Variants in TMPRSS12 observed in about 807,000 individuals in gnomAD.
The protein encoded by TMPRSS12 is transmembrane serine protease 12.
Under a neutral mutation model 26.0 loss-of-function variants are expected in TMPRSS12, and 25 were observed. The observed-to-expected ratio is 0.96, with a 90% CI of 0.70 to 1.34. The LOEUF (loss-of-function observed/expected upper bound fraction) is 1.34, where lower values mean the gene tolerates loss of function less well. Ranked by LOEUF, TMPRSS12 falls within the 40% of genes most tolerant of loss-of-function variation. The probability of loss-of-function intolerance (pLI) is 0.00; values close to 1 mark genes in which losing one functional copy is unlikely to be tolerated. For missense variants in TMPRSS12, 441 were observed against 440.1 expected, an observed-to-expected ratio of 1.00 and a Z score of -0.02; for synonymous variants, 150 against 161.7, an observed-to-expected ratio of 0.93 and a Z score of 0.55.
rs898074372 is a variant in TMPRSS12 at position 50,865,170 on chromosome 12, A to G, written c.652+6117A>G. 6.8e-4 allele frequency among the ~76,000 whole-genome samples: 104 copies of G among 152,166 alleles called. 1 individual carries two copies. Among genetic ancestry groups the G allele is most frequent in the Admixed American group, 6.6e-3 (101 of 15,300 alleles). ...AACATGGTGAAACCCCCAATCCACT[A>G]AAAATACAAAAAATTAGCCAGGCAT... On this transcript the variant is annotated intron_variant, in intron 3 of 4. Coordinates refer to ENST00000398458, the MANE Select transcript of TMPRSS12 (RefSeq NM_182559.3).
intron 3 of TMPRSS12, among the ~76,000 whole-genome samples, chr12:50,876,542 C>T (rs10735828): frequency 0.24 from 36,269 of 152,076 alleles, 4,484 homozygotes; most frequent in East Asian, 0.42. Flanking sequence ...CGGTGGCTCA[C>T]GCCTGTAATC....
intron 2 of TMPRSS12, among the ~76,000 whole-genome samples, chr12:50,844,911 G>C (rs1290616583): frequency 6.6e-6 from 1 of 152,164 alleles, no homozygotes; most frequent in African/African-American, 2.4e-5. Flanking sequence ...GTAGAGTAGG[G>C]CATGTTGGCT....
At chr12:50,885,120 TATATGA>T in intron 3 of TMPRSS12, 120 bp from the exon 4 acceptor site, 1 of 771,478 alleles carries the variant, frequency 1.3e-6, no homozygotes, top group African/African-American at 1.8e-5. Context: ...CATACACATA[TATATGA>T]ATATAATTTT....
At chr12:50,872,584 CAT>C (rs920192799) in intron 3 of TMPRSS12, among the ~76,000 whole-genome samples, 2 of 128,750 alleles carry the variant, frequency 1.6e-5, no homozygotes, top group Admixed American at 7.9e-5. Flanking sequence ...TATATATGTA[CAT>C]ATATATGACG....
intron 3 of TMPRSS12, among the ~76,000 whole-genome samples, chr12:50,868,184 C>T (rs1938008982): frequency 6.6e-6 from 1 of 152,170 alleles, no homozygotes; most frequent in African/African-American, 2.4e-5. Flanking sequence ...AAATGCTCCA[C>T]TTAAAAGATA....
Position 50,880,186 on chromosome 12 carries a change from C to T in TMPRSS12, c.653-5060C>T, listed in dbSNP as rs114400823. ...CCAAGGTGAAAGGATCACTTGCAAC[C>T]AGGAGTTTGAGACCAGCCTGAGCAA... On this transcript the variant is annotated intron_variant, in intron 3 of 4. Transcript: ENST00000398458. 5.7e-3 allele frequency among the ~76,000 whole-genome samples: 862 copies of T among 151,750 alleles called. 8 individuals are homozygous for T. The highest frequency in any genetic ancestry group is 0.02 in the African/African-American group (811 of 41,388).
Position 50,843,143 on chromosome 12 carries a change from A to C in TMPRSS12, c.179A>C (p.His60Pro). ...CGGCGGCGGAGGGAGGGAGGGGCGC[A>C]TGCAGAGGGCAGTACCTGTTCGTGC... ...RLRRRREGGA[H>P]AEDCGTAPLK... Residue 60 changes from histidine to proline, a missense_variant, in exon 1 of 5, where the codon CAT (histidine) becomes CCT (proline). His to Pro is a moderately conservative substitution (Grantham distance 77). Transcript: ENST00000398458. 1 of 1,565,148 alleles carries C rather than the reference A, an allele frequency of 6.4e-7. No individual in the cohort carries two copies.
intron 2 of TMPRSS12, among the ~76,000 whole-genome samples, chr12:50,847,232 T>A (rs1937778924): frequency 6.6e-6 from 1 of 151,974 alleles, no homozygotes. Flanking sequence ...CTAATTTTTG[T>A]ATTTTTAGTA....
At chr12:50,878,799 G>A (rs1938137335) in intron 3 of TMPRSS12, among the ~76,000 whole-genome samples, 1 of 152,158 alleles carries the variant, frequency 6.6e-6, no homozygotes, top group African/African-American at 2.4e-5. Flanking sequence ...ATTCAATAGT[G>A]GTACAATCTG....
At chr12:50,887,202 GT>G in intron 4 of TMPRSS12, 59 bp from the exon 5 acceptor site, 1 of 1,520,882 alleles carries the variant, frequency 6.6e-7, no homozygotes, top group Non-Finnish European at 8.9e-7. Flanking sequence ...TTATTCCAGT[GT>G]TACTGTTGCT....
intron 2 of TMPRSS12, among the ~76,000 whole-genome samples, chr12:50,844,968 C>T (rs1210661348): frequency 1.3e-5 from 2 of 152,168 alleles, no homozygotes. Flanking sequence ...GGGAGGATCA[C>T]TTGAGGCCAG....
chr12:50,874,878 C>T (rs906001672), intron 3 of TMPRSS12, among the ~76,000 whole-genome samples: 2 of 152,006 alleles, frequency 1.3e-5, no homozygotes, highest in African/African-American at 4.8e-5. Flanking sequence ...TACATCTCAC[C>T]AAGGAGGCGA....
At chr12:50,875,215 C>A (rs1212037389) in intron 3 of TMPRSS12, among the ~76,000 whole-genome samples, 1 of 152,060 alleles carries the variant, frequency 6.6e-6, no homozygotes, top group Admixed American at 6.5e-5. Flanking sequence ...TAACATTGGA[C>A]ATGGTGACTC....
At position 50,858,894 on chromosome 12, in the gene TMPRSS12, T is replaced by C. The variant is rs766278686; in HGVS notation, c.493T>C (p.Leu165=). 1.4e-5 allele frequency: 23 copies of C among 1,592,358 alleles called. No individual in the cohort carries two copies. The African/African-American group carries it at 2.5e-4, about 18-fold the overall frequency. The part of the protein sequence containing the change: ...KAIIIHPNFI[L]ESYVNDIALF... ...AATCATTATTCATCCAAACTTCATT[T>C]TGGAATCTTATGTAAATGATATTGC... The change falls in exon 3 of 5, where the codon TTG becomes CTG. Residue 165 remains leucine (L), a synonymous_variant. Coordinates refer to ENST00000398458, the MANE Select transcript of TMPRSS12 (RefSeq NM_182559.3).
At chr12:50,880,974 T>TTTTTC (rs1938158532) in intron 3 of TMPRSS12, among the ~76,000 whole-genome samples, 1 of 28,344 alleles carries the variant, frequency 3.5e-5, no homozygotes, top group African/African-American at 1.5e-4. Flanking sequence ...TTCTTTTTTT[T>TTTTTC]TTTTTTTTTT....
Position 50,887,518 on chromosome 12 carries a change from A to C in TMPRSS12, c.*5A>C, listed in dbSNP as rs1399145859. ...ATCTTACTAGCAACAACATAAAGAA[A>C]TTCTGAAGGCTTTCATATCTTTATT... is the stretch of plus-strand genomic sequence containing the variant. On this transcript the variant is annotated 3_prime_UTR_variant, in exon 5 of 5. Coordinates refer to ENST00000398458, the MANE Select transcript of TMPRSS12 (RefSeq NM_182559.3). 1.2e-6 allele frequency: 2 copies of C among 1,608,544 alleles called. No homozygotes were observed. Among genetic ancestry groups the C allele is most frequent in the Admixed American group, 3.4e-5 (2 of 59,008 alleles).
intron 2 of TMPRSS12, among the ~76,000 whole-genome samples, chr12:50,850,952 T>C (rs1937820741): frequency 6.6e-6 from 1 of 151,980 alleles, no homozygotes; most frequent in South Asian, 2.1e-4. Context: ...CTGAGTCTTG[T>C]CCCCCTAAAA....
chr12:50,857,908 A>C (rs1343353271), intron 2 of TMPRSS12, among the ~76,000 whole-genome samples: 3 of 151,916 alleles, frequency 2.0e-5, no homozygotes, highest in African/African-American at 7.3e-5. Context: ...GGCTCACTGC[A>C]AGCCCCGCCT....
intron 3 of TMPRSS12, among the ~76,000 whole-genome samples, chr12:50,878,117 G>A (rs1343421767): frequency 6.6e-6 from 1 of 151,484 alleles, no homozygotes; most frequent in Non-Finnish European, 1.5e-5. Flanking sequence ...AATGCCAGTA[G>A]GATTTTTCGT....
Sources: allele counts gnomAD v4.1 joint callset (sites outside exome capture counted in the v4.1 genomes callset), GRCh38; gene constraint gnomAD v4.1.1; transcripts MANE v1.5; gene names NCBI Gene and HGNC (gene_info 2026-07-23, HGNC 2026-07-21).